Variants in SEC31A observed in about 807,000 individuals in gnomAD.
SEC31A encodes SEC31 homolog A, COPII component, also known as protein transport protein Sec31A.
A neutral mutation model predicts 151.0 loss-of-function variants in SEC31A; 70 were observed. The observed-to-expected ratio is 0.46, with a 90% CI of 0.38 to 0.57. The LOEUF is 0.57. Ranked by LOEUF, SEC31A falls within the 20% of genes least tolerant of loss-of-function variation. The probability of loss-of-function intolerance (pLI) is 0.00; values close to 1 mark genes in which losing one functional copy is unlikely to be tolerated. For missense variants in SEC31A, 1,330 were observed against 1,471.2 expected, an observed-to-expected ratio of 0.90 and a Z score of 1.57; for synonymous variants, 475 against 505.9, an observed-to-expected ratio of 0.94 and a Z score of 0.82.
At chr4:82,864,916 C>T (rs1227629768) in intron 10 of SEC31A, among the ~76,000 whole-genome samples, 1 of 151,930 alleles carries the variant, frequency 6.6e-6, no homozygotes, top group African/African-American at 2.4e-5. Context: ...GCTGGGATTA[C>T]AGGTGCCGGC....
At position 82,845,170 on chromosome 4, in the gene SEC31A, T is replaced by G. The variant is rs1206243059; in HGVS notation, c.2503-661A>C. 2.1e-6 allele frequency: 3 copies of G among 1,407,236 alleles called. No individual in the cohort carries two copies. The African/African-American group carries it at 4.3e-5, about 20-fold the overall frequency. 87.2% of individuals were successfully genotyped at this position (1,407,236 alleles called of 1,614,324 possible). Reference sequence around the variant, plus strand: ...AACTGTATATTTAGGTGAGCAGAATTCTGCTCAAAGAGGAATAATGAAGGA... The same window carrying G: ...AACTGTATATTTAGGTGAGCAGAATGCTGCTCAAAGAGGAATAATGAAGGA... On this transcript the variant is annotated intron_variant, in intron 20 of 26. Transcript: ENST00000395310.
intron 14 of SEC31A, among the ~76,000 whole-genome samples, chr4:82,858,417 A>C (rs2149439399): frequency 6.6e-6 from 1 of 151,398 alleles, no homozygotes; most frequent in East Asian, 2.0e-4. Context: ...AGTGGTGTGC[A>C]CCTGTAGCCC....
At chr4:82,848,313 C>CAAAAAAAA (rs10655108) in intron 20 of SEC31A, among the ~76,000 whole-genome samples, 1 of 142,394 alleles carries the variant, frequency 7.0e-6, no homozygotes, top group Non-Finnish European at 1.5e-5. Flanking sequence ...CTAAATTGTC[C>CAAAAAAAA]AAAAAAAAAA....
At chr4:82,872,550 T>C (rs1358543320) in intron 6 of SEC31A, among the ~76,000 whole-genome samples, 1 of 152,152 alleles carries the variant, frequency 6.6e-6, no homozygotes, top group Non-Finnish European at 1.5e-5. Context: ...TATTGAACAG[T>C]CTTAAACAGT....
intron 25 of SEC31A, 106 bp from the exon 26 acceptor site, chr4:82,821,214 T>A (rs1723236424): frequency 1.2e-6 from 1 of 848,788 alleles, no homozygotes; most frequent in Non-Finnish European, 1.9e-6. Context: ...TTGAATGGCT[T>A]CATTTTATAA....
rs1167357777 is a variant in SEC31A at position 82,866,943 on chromosome 4, C to A, written c.1062G>T (p.Gly354=). The A allele has an allele frequency of 5.0e-6, 8 of 1,609,474 alleles. No homozygotes were observed. Among genetic ancestry groups the A allele is most frequent in the Non-Finnish European group, 6.8e-6 (8 of 1,178,990 alleles). Residue 354 remains glycine (G), a synonymous_variant, in exon 10 of 27, where the codon GGG becomes GGT. Transcript: ENST00000395310. ...GTCCTGTGCCAAAGGGATCAAGATT[C>A]CCAAAAGATGATGAAAGCTAAAAAA... The part of the protein sequence containing the change: ...KQVDKLSSSF[G]NLDPFGTGQP...
chr4:82,858,999 C>T (rs1479589587), intron 14 of SEC31A, among the ~76,000 whole-genome samples: 2 of 151,996 alleles, frequency 1.3e-5, no homozygotes, highest in African/African-American at 4.8e-5. Flanking sequence ...CCACGCCAGG[C>T]CGGAAAATAT....
chr4:82,839,029 G>T (rs1264886160), intron 22 of SEC31A, among the ~76,000 whole-genome samples: 1 of 152,192 alleles, frequency 6.6e-6, no homozygotes, highest in Non-Finnish European at 1.5e-5. Flanking sequence ...CCAGGCTGGG[G>T]TGCAGTGGCA....
intron 3 of SEC31A, among the ~76,000 whole-genome samples, chr4:82,899,058 T>C (rs556556920): frequency 1.3e-5 from 2 of 152,336 alleles, no homozygotes; most frequent in South Asian, 4.1e-4. Flanking sequence ...ATACGTGCTA[T>C]AAGATGGATG....
chr4:82,841,431 A>C (rs1728708654), intron 22 of SEC31A, among the ~76,000 whole-genome samples: 1 of 44,468 alleles, frequency 2.2e-5, no homozygotes, highest in Non-Finnish European at 6.6e-5. Flanking sequence ...TCAAAAAAGA[A>C]AAAAAAAATT....
At chr4:82,859,713 G>C (rs1202852018) in intron 14 of SEC31A, among the ~76,000 whole-genome samples, 3 of 151,554 alleles carry the variant, frequency 2.0e-5, no homozygotes, top group Non-Finnish European at 4.4e-5. Flanking sequence ...AAGAAATTAA[G>C]AATTTAAGTT....
intron 22 of SEC31A, among the ~76,000 whole-genome samples, chr4:82,835,607 C>A (rs368515623): frequency 1.5e-4 from 23 of 152,196 alleles, no homozygotes; most frequent in Admixed American, 1.0e-3. Flanking sequence ...ACTAGCCTGA[C>A]CAACATGGTG....
intron 14 of SEC31A, among the ~76,000 whole-genome samples, chr4:82,859,568 A>G (rs1018426888): frequency 1.3e-5 from 2 of 152,190 alleles, no homozygotes; most frequent in Non-Finnish European, 2.9e-5. Context: ...AGAACTGGGT[A>G]ATTTTAATGC....
chr4:82,898,841 GT>G (rs1453849111), intron 3 of SEC31A, among the ~76,000 whole-genome samples: 1 of 152,048 alleles, frequency 6.6e-6, no homozygotes, highest in East Asian at 1.9e-4. Context: ...GCTAAACACA[GT>G]TATCTTATGA....
chr4:82,890,847 T>G, intron 1 of SEC31A: 1 of 1,326,074 alleles, frequency 7.5e-7, no homozygotes, highest in South Asian at 1.9e-5. Context: ...CAGCCTCGGG[T>G]GGCTTTTGCT....
In SEC31A at chr4:82,844,385, C is replaced by T. The variant is rs1377725681; in HGVS notation, c.2626+1G>A. ...AAGGACTTTGGGGTCACACTACTTA[C>T]GCTGTGGCTGTGGATAAGGTGGTAC... On this transcript the variant is annotated splice_donor_variant, in intron 21 of 26. Coordinates refer to ENST00000395310, the MANE Select transcript of SEC31A (RefSeq NM_001077207.4). LOFTEE classifies it high-confidence loss of function. 8 of 1,613,822 alleles carry T rather than the reference C, an allele frequency of 5.0e-6. No homozygotes were observed. Among genetic ancestry groups the T allele is most frequent in the Middle Eastern group, 1.7e-4 (1 of 6,060 alleles).
At chr4:82,851,332 C>T in intron 19 of SEC31A, 99 bp downstream of exon 19, 1 of 977,224 alleles carries the variant, frequency 1.0e-6, no homozygotes, top group Non-Finnish European at 1.5e-6. Flanking sequence ...TCAACTGCTC[C>T]AAAACATTCT....
upstream of SEC31A, chr4:82,891,284 C>T: frequency 9.0e-7 from 1 of 1,117,112 alleles, no homozygotes; most frequent in Non-Finnish European, 1.3e-6. Flanking sequence ...GACGCACAGC[C>T]CGCCACGGCA....
chr4:82,827,705 TA>T, intron 23 of SEC31A, 73 bp from the exon 24 acceptor site: 5 of 1,513,318 alleles, frequency 3.3e-6, no homozygotes, highest in Non-Finnish European at 4.5e-6. Flanking sequence ...CAGCTTAAAA[TA>T]AGGGAGTTAG....
Sources: gnomAD v4.1 joint callset for allele counts (sites outside exome capture counted in the v4.1 genomes callset) on GRCh38, gnomAD v4.1.1 for gene constraint, MANE v1.5 for transcripts, NCBI Gene and HGNC (gene_info 2026-07-23, HGNC 2026-07-21) for gene names.